PCDHA10: variants seen among roughly 807,000 people sequenced by gnomAD.
PCDHA10 encodes protocadherin alpha-10.
Under a neutral mutation model 61.2 loss-of-function variants are expected in PCDHA10, and 45 were observed. That is an observed-to-expected ratio of 0.74 (90% CI 0.58 to 0.94). PCDHA10 has a LOEUF of 0.94. Ranked by LOEUF, PCDHA10 falls within the 40% of genes least tolerant of loss-of-function variation. The pLI, the probability that PCDHA10 is intolerant of heterozygous loss-of-function variation, is 0.00. For missense variants in PCDHA10, 1,278 were observed against 1,236.2 expected (o/e 1.03, Z -0.51); for synonymous variants, 602 against 548.8 (o/e 1.10, Z -1.35).
At position 141,011,465 on chromosome 5, in the gene PCDHA10, G is replaced by A. The variant is rs2098420693; in HGVS notation, c.*1528G>A. ...TGAACTTTAAGCTTTATTGTTGAAT[G>A]TAATTCCATTATATTTCCTTTTGTA... On this transcript the variant is annotated 3_prime_UTR_variant, in exon 4 of 4. Transcript: ENST00000307360. The A allele has an allele frequency of 6.5e-6, 1 of 153,770 alleles. No individual in the cohort carries two copies. The highest frequency in any genetic ancestry group is 2.4e-5 in the African/African-American group (1 of 41,452). The allele number at this position is 153,770 out of a possible 1,614,324, so 9.5% of individuals were successfully genotyped here.
Position 140,857,948 on chromosome 5 carries a change from C to T in PCDHA10, c.1900C>T (p.Arg634Cys), listed in dbSNP as rs1160932490. The T allele has an allele frequency of 2.5e-6, 4 of 1,597,436 alleles. No homozygotes were observed. Among genetic ancestry groups the T allele is most frequent in the African/African-American group, 1.3e-5 (1 of 74,306 alleles). The change falls in exon 1 of 4, where the codon CGC (arginine) becomes TGC (cysteine). Residue 634 changes from arginine (R) to cysteine (C), a missense_variant. Physicochemically the swap from Arg to Cys is radical, Grantham distance 180. Coordinates refer to ENST00000307360, the MANE Select transcript of PCDHA10 (RefSeq NM_018901.4). ...GLYTGEISTT[R>C]ALDETDSPRQ... The stretch of plus-strand genomic sequence containing the variant: ...GTACACGGGCGAGATCAGTACGACG[C>T]GCGCTCTGGATGAGACTGACTCGCC...
chr5:140,857,903 A>C lies in PCDHA10; in HGVS notation c.1855A>C (p.Ile619Leu), dbSNP rs1554150826. 1 of 1,597,806 alleles carries C rather than the reference A, an allele frequency of 6.3e-7. No homozygotes were observed. The highest frequency in any genetic ancestry group is 2.2e-5 in the East Asian group (1 of 44,826). Residue 619 changes from isoleucine (I) to leucine (L), a missense_variant, in exon 1 of 4, where the codon ATC (isoleucine) becomes CTC (leucine). Transcript: ENST00000307360. Reference protein sequence around the residue: ...ELQSAAVGARIPFRVGLYTGE... With the variant: ...ELQSAAVGARLPFRVGLYTGE... ...GCAGTCGGCGGCGGTTGGTGCACGCATCCCGTTTCGCGTGGGGCTGTACAC... is the reference window on the plus strand; with the variant it reads ...GCAGTCGGCGGCGGTTGGTGCACGCCTCCCGTTTCGCGTGGGGCTGTACAC...
intron 1 of PCDHA10, among the ~76,000 whole-genome samples, chr5:140,905,993 TG>T (rs1314051308): frequency 6.6e-6 from 1 of 152,176 alleles, no homozygotes; most frequent in African/African-American, 2.4e-5. Flanking sequence ...AGATGTAGGC[TG>T]GGAGGCTAAG....
chr5:140,937,151 C>T (rs1170352289), intron 1 of PCDHA10, among the ~76,000 whole-genome samples: 1 of 151,572 alleles, frequency 6.6e-6, no homozygotes, highest in African/African-American at 2.4e-5. Context: ...CATTCTCCTG[C>T]CTCAGCCTCC....
intron 1 of PCDHA10, among the ~76,000 whole-genome samples, chr5:140,899,497 T>G (rs2067365308): frequency 6.6e-6 from 1 of 152,254 alleles, no homozygotes; most frequent in South Asian, 2.1e-4. Context: ...TTACATTTAT[T>G]GATTTGCATA....
At chr5:140,946,801 G>C (rs2094030166) in intron 1 of PCDHA10, among the ~76,000 whole-genome samples, 1 of 151,430 alleles carries the variant, frequency 6.6e-6, no homozygotes, top group African/African-American at 2.4e-5. Flanking sequence ...TAGAAGCAGA[G>C]AGTATAACAG....
At chr5:140,935,363 C>T (rs1005942314) in intron 1 of PCDHA10, among the ~76,000 whole-genome samples, 3 of 152,180 alleles carry the variant, frequency 2.0e-5, no homozygotes, top group African/African-American at 7.2e-5. Flanking sequence ...TTTTCATTAA[C>T]GTCAACAGAA....
At chr5:140,871,552 AGT>A in intron 1 of PCDHA10, 1 of 1,493,376 alleles carries the variant, frequency 6.7e-7, no homozygotes, top group Non-Finnish European at 8.9e-7. Context: ...TTTAAAATCC[AGT>A]TTTTTTTCAC....
intron 3 of PCDHA10, among the ~76,000 whole-genome samples, chr5:141,005,998 G>A (rs1289174174): frequency 1.3e-5 from 2 of 151,618 alleles, no homozygotes; most frequent in Non-Finnish European, 2.9e-5. Flanking sequence ...GGATCTGAAA[G>A]AAGGCCTGTA....
At chr5:140,870,339 G>C in intron 1 of PCDHA10, 1 of 1,614,182 alleles carries the variant, frequency 6.2e-7, no homozygotes, top group Non-Finnish European at 8.5e-7. Flanking sequence ...ACAGCGCCCT[G>C]GACCGCGAGA....
rs550257645 is a variant in PCDHA10 at position 140,858,423 on chromosome 5, A to G, written c.2375A>G (p.Asp792Gly). 7.3e-5 allele frequency: 113 copies of G among 1,554,520 alleles called. 7 individuals carry two copies. In the South Asian group the frequency reaches 1.0e-3, roughly 14 times the overall value. The change falls in exon 1 of 4, where the codon GAC becomes GGC. Residue 792 changes from aspartate (D) to glycine (G), a missense_variant. Coordinates refer to ENST00000307360, the MANE Select transcript of PCDHA10 (RefSeq NM_018901.4). The part of the protein sequence containing the change: ...VDGEDQSIGG[D>G]HSRKPRQPNP... ...GGGGAAGATCAGTCTATTGGAGGGG[A>G]CCACTCTAGGAAGGTGGGTTATTAC...
rs1563652468 is a variant in PCDHA10, at chr5:141,000,419, A to ATTT, written c.2537-9207_2537-9206insTTT. 1.8e-3 allele frequency among the ~76,000 whole-genome samples: 107 copies of ATTT among 60,980 alleles called. 1 individual carries two copies. The highest frequency in any genetic ancestry group is 3.1e-3 in the African/African-American group (41 of 13,160). 40.0% of individuals were successfully genotyped at this position (60,980 alleles called of 152,430 possible). ...TCTATATATATATATATATATATAT[A>ATTT]TATTTTTTTTTTTTTTTTTTTTTTT... On this transcript the variant is annotated intron_variant, in intron 3 of 3. Transcript: ENST00000307360.
At chr5:140,925,932 A>G (rs1202634955) in intron 1 of PCDHA10, among the ~76,000 whole-genome samples, 1 of 150,196 alleles carries the variant, frequency 6.7e-6, no homozygotes, top group African/African-American at 2.5e-5. Flanking sequence ...TCCCAAGTAG[A>G]GCCTCTTGGA....
At position 140,857,876 on chromosome 5, in the gene PCDHA10, T is replaced by C. The variant is rs2044975773; in HGVS notation, c.1828T>C (p.Leu610=). The part of the protein sequence containing the change: ...SGYNAWLSYE[L]QSAAVGARIP... ...ATACAACGCGTGGCTGTCGTATGAATTGCAGTCGGCGGCGGTTGGTGCACG... is the reference window on the plus strand; with the variant it reads ...ATACAACGCGTGGCTGTCGTATGAACTGCAGTCGGCGGCGGTTGGTGCACG... Residue 610 remains leucine (L), a synonymous_variant, in exon 1 of 4, where the codon TTG becomes CTG. Coordinates refer to ENST00000307360, the MANE Select transcript of PCDHA10 (RefSeq NM_018901.4). 3.1e-6 allele frequency: 5 copies of C among 1,597,774 alleles called. 1 individual carries two copies. Among genetic ancestry groups the C allele is most frequent in the East Asian group, 2.2e-5 (1 of 44,820 alleles).
chr5:140,962,787 C>T (rs2095707732), intron 1 of PCDHA10, among the ~76,000 whole-genome samples: 1 of 152,224 alleles, frequency 6.6e-6, no homozygotes, highest in Non-Finnish European at 1.5e-5. Context: ...TTTTTAAAAA[C>T]TACTTTGGAC....
chr5:140,869,654 C>T, intron 1 of PCDHA10: 1 of 1,613,446 alleles, frequency 6.2e-7, no homozygotes, highest in Non-Finnish European at 8.5e-7. Flanking sequence ...GATTCACCAA[C>T]AAATGGTAAG....
intron 1 of PCDHA10, among the ~76,000 whole-genome samples, chr5:140,909,973 G>A (rs2074802854): frequency 6.6e-6 from 1 of 152,198 alleles, no homozygotes; most frequent in Admixed American, 6.5e-5. Context: ...GGGGAAGGAT[G>A]GGAGAAAGAC....
intron 2 of PCDHA10, 90 bp downstream of exon 2, chr5:140,979,097 C>T (rs2096835129): frequency 9.0e-6 from 14 of 1,547,204 alleles, no homozygotes; most frequent in African/African-American, 1.4e-5. Context: ...AAGCAGCTGT[C>T]AAAACTAAAA....
intron 1 of PCDHA10, chr5:140,883,283 G>A (rs782514861): frequency 1.2e-6 from 2 of 1,614,034 alleles, no homozygotes; most frequent in Admixed American, 3.3e-5. Context: ...CCTTTTGGTG[G>A]AAGTACTAGA....
Sources: allele counts gnomAD v4.1 joint callset (sites outside exome capture counted in the v4.1 genomes callset), GRCh38; gene constraint gnomAD v4.1.1; transcripts MANE v1.5; gene names NCBI Gene and HGNC (gene_info 2026-07-23, HGNC 2026-07-21).